Variants in KMT2C observed in about 807,000 individuals in gnomAD.
KMT2C encodes lysine methyltransferase 2C.
In KMT2C, 88 loss-of-function variants were observed where a neutral mutation model predicts 507.9. The observed-to-expected ratio is 0.17, with a 90% CI of 0.15 to 0.21. KMT2C has a LOEUF of 0.21. Among genes scored for constraint, KMT2C ranks in the 10% least tolerant of loss-of-function variants. The pLI, the probability that KMT2C is intolerant of heterozygous loss-of-function variation, is 1.00. For missense variants in KMT2C, 4,954 were observed against 5,957.8 expected (o/e 0.83, Z 5.55); for synonymous variants, 2,049 against 2,080.8 (o/e 0.98, Z 0.42).
chr7:152,400,454 A>G (rs954387734), intron 1 of KMT2C, among the ~76,000 whole-genome samples: 2 of 152,224 alleles, frequency 1.3e-5, no homozygotes, highest in Admixed American at 6.5e-5. Context: ...AGGATAAAAG[A>G]AGGCTCTAAA....
intron 31 of KMT2C, among the ~76,000 whole-genome samples, chr7:152,192,678 G>C (rs532990772): frequency 8.5e-5 from 13 of 152,258 alleles, no homozygotes; most frequent in African/African-American, 3.1e-4. Context: ...GGCTAAACTG[G>C]TAAAAACACA....
At chr7:152,424,871 G>T (rs2097801753) in intron 1 of KMT2C, among the ~76,000 whole-genome samples, 1 of 152,156 alleles carries the variant, frequency 6.6e-6, no homozygotes, top group Admixed American at 6.6e-5. Context: ...CATCTCTCCA[G>T]CAAGGTATGA....
At chr7:152,383,524 G>C (rs1243843907) in intron 1 of KMT2C, among the ~76,000 whole-genome samples, 1 of 152,054 alleles carries the variant, frequency 6.6e-6, no homozygotes, top group African/African-American at 2.4e-5. Flanking sequence ...GGAAACCCTG[G>C]GAAAGGAGGG....
Position 152,263,114 on chromosome 7 carries a change from T to C in KMT2C, c.1201A>G (p.Ser401Gly). 1 of 1,610,388 alleles carries C rather than the reference T, an allele frequency of 6.2e-7. No homozygotes were observed. The highest frequency in any genetic ancestry group is 8.5e-7 in the Non-Finnish European group (1 of 1,179,332). Reference protein sequence around the residue: ...CQNCKQSGEDSKMLVCDTCDK... With the variant: ...CQNCKQSGEDGKMLVCDTCDK... ...CACGTATCACACACTAGCATCTTGC[T>C]ATCTTCTCCCGATTGTCTAAAAAAT... The change falls in exon 9 of 59, where the codon AGC becomes GGC. Residue 401 changes from serine (S) to glycine (G), a missense_variant. By Grantham distance (56) the Ser-to-Gly change is moderately conservative (BLOSUM62 0). This residue lies in a region of KMT2C where 8 missense variants were observed against 27.5 expected (regional missense o/e 0.29). Coordinates refer to ENST00000262189, the MANE Select transcript of KMT2C (RefSeq NM_170606.3).
At chr7:152,284,854 C>G (rs2096271028) in intron 6 of KMT2C, among the ~76,000 whole-genome samples, 1 of 152,232 alleles carries the variant, frequency 6.6e-6, no homozygotes, top group Admixed American at 6.5e-5. Flanking sequence ...ATCAAACCCA[C>G]AATAAATTAT....
At chr7:152,384,948 T>G (rs1180645457) in intron 1 of KMT2C, among the ~76,000 whole-genome samples, 2 of 152,226 alleles carry the variant, frequency 1.3e-5, no homozygotes, top group African/African-American at 4.8e-5. Flanking sequence ...CAACTCTTAA[T>G]GAATCAACAG....
At chr7:152,375,969 A>G (rs1332079722) in intron 1 of KMT2C, among the ~76,000 whole-genome samples, 1 of 152,028 alleles carries the variant, frequency 6.6e-6, no homozygotes, top group Non-Finnish European at 1.5e-5. Context: ...GGCATGTACC[A>G]CCACACCTGG....
Position 152,136,514 on chromosome 7 carries a change from A to G in KMT2C, c.*318T>C. ...CTTAGTGAGACTAGAAAACCAAAACAATGAAACCCACCCACAAGGGAAAAA... is the reference window on the plus strand; with the variant it reads ...CTTAGTGAGACTAGAAAACCAAAACGATGAAACCCACCCACAAGGGAAAAA... On this transcript the variant is annotated 3_prime_UTR_variant, in exon 59 of 59. Transcript: ENST00000262189. 1 of 315,744 alleles carries G rather than the reference A, an allele frequency of 3.2e-6. No homozygotes were observed. The highest frequency in any genetic ancestry group is 5.9e-6 in the Non-Finnish European group (1 of 169,170). The allele number at this position is 315,744 out of a possible 1,614,324, so 19.6% of individuals were successfully genotyped here.
At chr7:152,203,285 G>A (rs868341751) in intron 25 of KMT2C, among the ~76,000 whole-genome samples, 5 of 151,390 alleles carry the variant, frequency 3.3e-5, no homozygotes, top group African/African-American at 9.7e-5. Context: ...CTTAATAATC[G>A]ATTACAAAGC....
rs528945367 is a variant in KMT2C, at chr7:152,292,802, C to A, written c.849+17164G>T. Among the ~76,000 whole-genome samples, 4 of 152,226 alleles carry A rather than the reference C, an allele frequency of 2.6e-5. No homozygotes were observed. In the South Asian group the frequency reaches 8.3e-4, roughly 32 times the overall value. On this transcript the variant is annotated intron_variant, in intron 6 of 58. Coordinates refer to ENST00000262189, the MANE Select transcript of KMT2C (RefSeq NM_170606.3). ...TGCCAGAAGCTTCTCAGCTTTTCAA[C>A]CTCTCAGCTGGATTTTTTTGAACTG... is the stretch of plus-strand genomic sequence containing the variant.
rs1272275874 is a variant in KMT2C at position 152,435,692 on chromosome 7, G to A, written c.95C>T (p.Ala32Val). 3 of 1,545,328 alleles carry A rather than the reference G, an allele frequency of 1.9e-6. No homozygotes were observed. The change falls in exon 1 of 59, where the codon GCA (alanine) becomes GTA (valine). Residue 32 changes from alanine (A) to valine (V), a missense_variant. By Grantham distance (64) the Ala-to-Val change is moderately conservative. Coordinates refer to ENST00000262189, the MANE Select transcript of KMT2C (RefSeq NM_170606.3). ...PGAPAPSPAA[A>V]DKRPRGRPRK... ...AGGCCGGCCCCGAGGTCTTTTGTCTGCGGCTGCGGGGCTCGGGGCCGGGGC... is the reference window on the plus strand; with the variant it reads ...AGGCCGGCCCCGAGGTCTTTTGTCTACGGCTGCGGGGCTCGGGGCCGGGGC...
At chr7:152,167,116 T>C in intron 42 of KMT2C, 30 bp downstream of exon 42, 1 of 1,517,386 alleles carries the variant, frequency 6.6e-7, no homozygotes, top group Non-Finnish European at 9.1e-7. Flanking sequence ...TAATTGTTGG[T>C]AGTTTCTATT....
Position 152,139,187 on chromosome 7 carries a change from T to G in KMT2C, c.14533A>C (p.Arg4845=). 1 of 1,614,032 alleles carries G rather than the reference T, an allele frequency of 6.2e-7. No individual in the cohort carries two copies. The highest frequency in any genetic ancestry group is 1.7e-5 in the Admixed American group (1 of 60,030). The change falls in exon 57 of 59, where the codon AGG becomes CGG. Residue 4845 remains arginine (R), a splice_region_variant and synonymous_variant. Transcript: ENST00000262189. ...IDATLTGGPA[R]YINHSCAPNC... ...CCGTCAGGTTCCTCGCTGTCTCACC[T>G]TGCGGGCCCTCCTGTGAGCGTCGCG...
At chr7:152,281,925 C>A (rs2096220604) in intron 6 of KMT2C, among the ~76,000 whole-genome samples, 1 of 152,018 alleles carries the variant, frequency 6.6e-6, no homozygotes, top group African/African-American at 2.4e-5. Flanking sequence ...GTAATAAAGA[C>A]AAATTCATCG....
Position 152,273,710 on chromosome 7 carries a change from T to G in KMT2C, c.1007A>C (p.Glu336Ala), listed in dbSNP as rs1485881040. Residue 336 changes from glutamate to alanine, a missense_variant, in exon 7 of 59, where the codon GAA (glutamate) becomes GCA (alanine). Glu to Ala is a moderately radical substitution (Grantham distance 107, BLOSUM62 -1). Coordinates refer to ENST00000262189, the MANE Select transcript of KMT2C (RefSeq NM_170606.3). ...TCTATCCGTAGTAAACTTACATCTT[T>G]CAGGAGCTTGGTCAATGTGTTCTGG... ...LCPEHIDQAP[E>A]RSKEDANCAV... The G allele has an allele frequency of 2.5e-6, 4 of 1,614,038 alleles. No individual in the cohort carries two copies. The highest frequency in any genetic ancestry group is 3.4e-6 in the Non-Finnish European group (4 of 1,179,868).
chr7:152,246,747 G>C (rs1169991747), intron 14 of KMT2C, among the ~76,000 whole-genome samples: 1 of 152,036 alleles, frequency 6.6e-6, no homozygotes, highest in Non-Finnish European at 1.5e-5. Flanking sequence ...AACTTTTCAT[G>C]GTAGAGCAGA....
At chr7:152,320,284 C>G (rs1229665221) in intron 3 of KMT2C, among the ~76,000 whole-genome samples, 1 of 152,114 alleles carries the variant, frequency 6.6e-6, no homozygotes, top group Admixed American at 6.6e-5. Flanking sequence ...AGTCTCACTC[C>G]GTTGTCCAGG....
intron 4 of KMT2C, among the ~76,000 whole-genome samples, chr7:152,313,449 A>C (rs929260916): frequency 6.6e-6 from 1 of 152,122 alleles, no homozygotes; most frequent in African/African-American, 2.4e-5. Flanking sequence ...GTAAGATATC[A>C]ATGTCAACAC....
At chr7:152,432,488 G>A (rs781490296) in intron 1 of KMT2C, among the ~76,000 whole-genome samples, 6 of 152,142 alleles carry the variant, frequency 3.9e-5, no homozygotes, top group Non-Finnish European at 8.8e-5. Context: ...CAAATAATTT[G>A]ATACTTTTTA....
Sources: gnomAD v4.1 joint callset for allele counts (sites outside exome capture counted in the v4.1 genomes callset) on GRCh38, gnomAD v4.1.1 for gene constraint, gnomAD v4.1.1 regional missense constraint, MANE v1.5 for transcripts, NCBI Gene and HGNC (gene_info 2026-07-23, HGNC 2026-07-21) for gene names.